The following LRP1B variants were observed in gnomAD, a reference collection of about 807,000 sequenced individuals.
The protein encoded by LRP1B is LDL receptor related protein 1B, also known as low-density lipoprotein receptor-related protein 1B.
LRP1B carries 217 observed loss-of-function variants against 556.6 expected under a neutral mutation model. The observed-to-expected ratio is 0.39, with a 90% CI of 0.35 to 0.44. LRP1B has a LOEUF of 0.44. LRP1B is among the 20% of genes least tolerant of loss of function. The pLI is 1.00. For synonymous variants in LRP1B, 2,047 were observed against 1,865.8 expected, an observed-to-expected ratio of 1.10 and a Z score of -2.50; for missense variants, 5,053 against 5,620.8, an observed-to-expected ratio of 0.90 and a Z score of 3.23.
At chr2:140,410,334 G>A (rs1001972272) in intron 66 of LRP1B, among the ~76,000 whole-genome samples, 7 of 151,798 alleles carry the variant, frequency 4.6e-5, no homozygotes, top group Non-Finnish European at 7.4e-5. Flanking sequence ...TGGCTGCATA[G>A]TCAACAAAGT....
chr2:141,676,163 G>T (rs931634901), intron 2 of LRP1B, among the ~76,000 whole-genome samples: 6 of 151,858 alleles, frequency 4.0e-5, no homozygotes, highest in African/African-American at 1.5e-4. Context: ...TTTGTAATGT[G>T]ATATTATATT....
At chr2:140,357,053 CA>C (rs772287479) in intron 74 of LRP1B, among the ~76,000 whole-genome samples, 32 of 151,696 alleles carry the variant, frequency 2.1e-4, no homozygotes, top group Non-Finnish European at 4.1e-4. Context: ...TTAGGACAGA[CA>C]AAAAGTTACT....
chr2:141,063,134 T>C (rs1039205004), intron 7 of LRP1B, among the ~76,000 whole-genome samples: 1 of 151,862 alleles, frequency 6.6e-6, no homozygotes, highest in African/African-American at 2.4e-5. Flanking sequence ...AAATTACATT[T>C]GTAAATAGAA....
intron 7 of LRP1B, among the ~76,000 whole-genome samples, chr2:141,142,108 T>C (rs1401718448): frequency 6.6e-6 from 1 of 152,154 alleles, no homozygotes; most frequent in Non-Finnish European, 1.5e-5. Context: ...AAATCTATTC[T>C]TTAAAATACC....
intron 32 of LRP1B, among the ~76,000 whole-genome samples, chr2:140,779,201 T>C (rs777677991): frequency 6.6e-6 from 1 of 152,042 alleles, no homozygotes; most frequent in Non-Finnish European, 1.5e-5. Flanking sequence ...AACACTGTGC[T>C]TAAAAAAAAT....
At chr2:142,104,162 C>G (rs534204649) in intron 1 of LRP1B, among the ~76,000 whole-genome samples, 1 of 152,176 alleles carries the variant, frequency 6.6e-6, no homozygotes, top group East Asian at 1.9e-4. Context: ...TATCTATAAT[C>G]CACATATTAC....
intron 7 of LRP1B, among the ~76,000 whole-genome samples, chr2:141,168,207 T>C (rs1680349374): frequency 6.6e-6 from 1 of 152,072 alleles, no homozygotes; most frequent in Non-Finnish European, 1.5e-5. Flanking sequence ...AGTCTATGTT[T>C]CAGCAATTGC....
chr2:140,907,268 T>C (rs1473633095), intron 22 of LRP1B, among the ~76,000 whole-genome samples: 1 of 152,140 alleles, frequency 6.6e-6, no homozygotes, highest in African/African-American at 2.4e-5. Flanking sequence ...AATGTAATTT[T>C]CTTTTGTATG....
intron 23 of LRP1B, among the ~76,000 whole-genome samples, chr2:140,894,627 A>G (rs1351813752): frequency 6.6e-6 from 1 of 152,096 alleles, no homozygotes; most frequent in Admixed American, 6.6e-5. Flanking sequence ...TGACCTGATG[A>G]TATCCGGGGA....
At chr2:140,345,474 GC>G (rs1348974371) in intron 77 of LRP1B, among the ~76,000 whole-genome samples, 1 of 150,812 alleles carries the variant, frequency 6.6e-6, no homozygotes, top group African/African-American at 2.4e-5. Context: ...TAATGCACTG[GC>G]TACTCCTTGT....
intron 31 of LRP1B, among the ~76,000 whole-genome samples, chr2:140,814,152 TA>T (rs1480806232): frequency 6.6e-6 from 1 of 152,088 alleles, no homozygotes; most frequent in Non-Finnish European, 1.5e-5. Context: ...TTTTTATTTT[TA>T]TTTTTTTAAT....
At chr2:141,906,487 T>C (rs992468538) in intron 1 of LRP1B, among the ~76,000 whole-genome samples, 5 of 151,996 alleles carry the variant, frequency 3.3e-5, no homozygotes, top group Non-Finnish European at 4.4e-5. Context: ...TGAGTCAGTG[T>C]ACAGCAAACA....
In LRP1B at chr2:140,358,528, T is replaced by G. The variant is rs1682348384; in HGVS notation, c.11257+293A>C. On this transcript the variant is annotated intron_variant, in intron 73 of 90. Coordinates refer to ENST00000389484, the MANE Select transcript of LRP1B (RefSeq NM_018557.3). ...ACATACAATCTATATAAGCTCCCTTTCTTCAAAAAATTAAGTCTTTAAACA... is the reference window on the plus strand; with the variant it reads ...ACATACAATCTATATAAGCTCCCTTGCTTCAAAAAATTAAGTCTTTAAACA... Among the ~76,000 whole-genome samples, 3 of 151,698 alleles carry G rather than the reference T, an allele frequency of 2.0e-5. No individual in the cohort carries two copies. In the Admixed American group the frequency reaches 2.0e-4, roughly 10 times the overall value.
chr2:140,622,037 C>T (rs1013464831), intron 41 of LRP1B, among the ~76,000 whole-genome samples: 3 of 152,166 alleles, frequency 2.0e-5, no homozygotes, highest in African/African-American at 7.2e-5. Flanking sequence ...TGTAAGCTAA[C>T]TTATTTTCTC....
intron 9 of LRP1B, among the ~76,000 whole-genome samples, chr2:141,055,551 C>CT (rs950466250): frequency 2.0e-5 from 3 of 151,766 alleles, no homozygotes; most frequent in African/African-American, 4.8e-5. Flanking sequence ...AGTAACATAA[C>CT]TTTTTTTTGT....
At chr2:141,415,606 A>G (rs1691068866) in intron 3 of LRP1B, among the ~76,000 whole-genome samples, 1 of 152,082 alleles carries the variant, frequency 6.6e-6, no homozygotes, top group Admixed American at 6.5e-5. Context: ...TCCTCGACTT[A>G]CTCCACTTGC....
At chr2:142,079,983 T>A (rs1358231284) in intron 1 of LRP1B, among the ~76,000 whole-genome samples, 1 of 152,170 alleles carries the variant, frequency 6.6e-6, no homozygotes, top group African/African-American at 2.4e-5. Flanking sequence ...AGTTTCAATT[T>A]GATTCCTTTC....
At chr2:141,756,029 T>G (rs1694307192) in intron 2 of LRP1B, among the ~76,000 whole-genome samples, 1 of 152,100 alleles carries the variant, frequency 6.6e-6, no homozygotes. Flanking sequence ...ACATTTAAAT[T>G]TTTATTCATG....
At chr2:141,754,112 A>G (rs1694237047) in intron 2 of LRP1B, among the ~76,000 whole-genome samples, 1 of 152,176 alleles carries the variant, frequency 6.6e-6, no homozygotes, top group South Asian at 2.1e-4. Context: ...TCTGCTTCTC[A>G]TTCTTATCCA....
Sources: allele counts gnomAD v4.1 joint callset (sites outside exome capture counted in the v4.1 genomes callset), GRCh38; gene constraint gnomAD v4.1.1; transcripts MANE v1.5; gene names NCBI Gene and HGNC (gene_info 2026-07-23, HGNC 2026-07-21).